MCPH1: variants seen among roughly 807,000 people sequenced by gnomAD.
MCPH1 encodes microcephalin 1.
Under a neutral mutation model 84.5 loss-of-function variants are expected in MCPH1, and 104 were observed. The ratio of observed to expected loss-of-function variants is 1.23; its 90% confidence interval spans 1.05 to 1.45. MCPH1 has a LOEUF of 1.45. Ranked by LOEUF, MCPH1 falls within the 40% of genes most tolerant of loss-of-function variation. The pLI is 0.00. For synonymous variants in MCPH1, 514 were observed against 366.8 expected (o/e 1.40, Z -4.58); for missense variants, 1,498 against 1,005.7 (o/e 1.49, Z -6.62).
intron 13 of MCPH1, chr8:6,626,840 G>A (rs999514638): frequency 3.0e-6 from 3 of 985,120 alleles, no homozygotes; most frequent in Non-Finnish European, 3.6e-6. Context: ...CCCTGCTGCT[G>A]TTATCACGAA....
chr8:6,457,590 G>C (rs1239692598), intron 9 of MCPH1, among the ~76,000 whole-genome samples: 1 of 152,136 alleles, frequency 6.6e-6, no homozygotes, highest in African/African-American at 2.4e-5. Context: ...GGGCGACAGA[G>C]TGAGACTCTG....
intron 12 of MCPH1, among the ~76,000 whole-genome samples, chr8:6,536,011 C>T (rs1358916450): frequency 2.0e-5 from 3 of 151,984 alleles, no homozygotes; most frequent in Non-Finnish European, 2.9e-5. Context: ...GAGCCATGAT[C>T]GTGCCACTGC....
intron 12 of MCPH1, among the ~76,000 whole-genome samples, chr8:6,594,977 G>C (rs1828810557): frequency 6.6e-6 from 1 of 152,160 alleles, no homozygotes; most frequent in Non-Finnish European, 1.5e-5. Flanking sequence ...ATCTACTTTT[G>C]ACTTATGTAT....
chr8:6,419,156 C>CAG (rs1799779029), intron 3 of MCPH1, among the ~76,000 whole-genome samples: 1 of 33,104 alleles, frequency 3.0e-5, no homozygotes, highest in African/African-American at 4.1e-5. Context: ...CACACAGACA[C>CAG]ACACACACAC....
At chr8:6,624,154 G>A (rs759519921) in intron 13 of MCPH1, among the ~76,000 whole-genome samples, 9 of 152,226 alleles carry the variant, frequency 5.9e-5, no homozygotes, top group African/African-American at 1.4e-4. Flanking sequence ...TTCAGGAGGC[G>A]AATGTCTACC....
chr8:6,512,384 G>C (rs1254464911), intron 12 of MCPH1, among the ~76,000 whole-genome samples: 1 of 152,154 alleles, frequency 6.6e-6, no homozygotes, highest in Non-Finnish European at 1.5e-5. Flanking sequence ...CGGAGTGTCT[G>C]ACTTGGGCAT....
At chr8:6,483,992 C>T (rs1809554705) in intron 11 of MCPH1, among the ~76,000 whole-genome samples, 1 of 152,082 alleles carries the variant, frequency 6.6e-6, no homozygotes, top group Admixed American at 6.6e-5. Flanking sequence ...TATAAGTAAA[C>T]ATACAAGAAA....
intron 12 of MCPH1, among the ~76,000 whole-genome samples, chr8:6,586,884 A>T (rs1828027740): frequency 6.6e-6 from 1 of 152,160 alleles, no homozygotes; most frequent in Non-Finnish European, 1.5e-5. Flanking sequence ...CGTAATGTAG[A>T]CATCCTGACT....
intron 8 of MCPH1, among the ~76,000 whole-genome samples, chr8:6,449,289 A>G (rs999016723): frequency 6.6e-6 from 1 of 152,158 alleles, no homozygotes. Flanking sequence ...ATCACTTGCA[A>G]TTGAAAAATA....
intron 11 of MCPH1, among the ~76,000 whole-genome samples, chr8:6,486,579 T>C (rs1809957148): frequency 6.6e-6 from 1 of 152,202 alleles, no homozygotes; most frequent in Non-Finnish European, 1.5e-5. Context: ...AATTTTGACT[T>C]AATATTTTTG....
chr8:6,554,902 G>A (rs904032363), intron 12 of MCPH1, among the ~76,000 whole-genome samples: 2 of 152,194 alleles, frequency 1.3e-5, no homozygotes, highest in Non-Finnish European at 2.9e-5. Context: ...TTGTCAAGTG[G>A]TGCAAGGAAG....
chr8:6,526,447 C>G (rs1435701672), intron 12 of MCPH1, among the ~76,000 whole-genome samples: 1 of 151,178 alleles, frequency 6.6e-6, no homozygotes, highest in Non-Finnish European at 1.5e-5. Context: ...AAAAAAAACA[C>G]AGAAAAGAAA....
intron 12 of MCPH1, among the ~76,000 whole-genome samples, chr8:6,573,447 ACT>A (rs1226241939): frequency 6.6e-6 from 1 of 152,174 alleles, no homozygotes; most frequent in East Asian, 1.9e-4. Context: ...ACTGGGACTG[ACT>A]CTTACACTTA....
intron 12 of MCPH1, among the ~76,000 whole-genome samples, chr8:6,593,328 C>T (rs947307497): frequency 6.6e-6 from 1 of 151,928 alleles, no homozygotes; most frequent in Non-Finnish European, 1.5e-5. Context: ...GATGATCCGC[C>T]CACCTCGGCC....
At chr8:6,453,490 T>C (rs989336092) in intron 8 of MCPH1, among the ~76,000 whole-genome samples, 1 of 152,158 alleles carries the variant, frequency 6.6e-6, no homozygotes, top group Non-Finnish European at 1.5e-5. Flanking sequence ...ACAGCCTGTT[T>C]CGTTGTTCGG....
At chr8:6,541,447 A>G (rs1158008101) in intron 12 of MCPH1, among the ~76,000 whole-genome samples, 1 of 152,048 alleles carries the variant, frequency 6.6e-6, no homozygotes, top group Non-Finnish European at 1.5e-5. Flanking sequence ...GAAAGACAAT[A>G]TTTCTAGTAG....
intron 12 of MCPH1, among the ~76,000 whole-genome samples, chr8:6,612,059 C>T (rs560568139): frequency 6.6e-6 from 1 of 152,266 alleles, no homozygotes; most frequent in East Asian, 1.9e-4. Flanking sequence ...TGGCACTCGG[C>T]CCCCAGCCTC....
At chr8:6,582,857 C>T (rs920360831) in intron 12 of MCPH1, among the ~76,000 whole-genome samples, 1 of 152,210 alleles carries the variant, frequency 6.6e-6, no homozygotes, top group African/African-American at 2.4e-5. Context: ...TAAAGTCTTT[C>T]AGCCCCACAA....
At chr8:6,414,207 C>G (rs2442547) in intron 2 of MCPH1, among the ~76,000 whole-genome samples, 148,038 of 152,238 alleles carry the variant, frequency 0.97, 72,112 homozygotes, top group East Asian at 1. Flanking sequence ...AAGGTTTCAC[C>G]AGGTTGGCTA....
Sources: allele counts gnomAD v4.1 joint callset (sites outside exome capture counted in the v4.1 genomes callset), GRCh38; gene constraint gnomAD v4.1.1; transcripts MANE v1.5; gene names NCBI Gene and HGNC (gene_info 2026-07-23, HGNC 2026-07-21).